Variants in PCDH7 observed in about 807,000 individuals in gnomAD.
PCDH7 encodes the protein protocadherin-7.
PCDH7 carries 17 observed loss-of-function variants against 58.9 expected under a neutral mutation model. The observed-to-expected ratio is 0.29, with a 90% CI of 0.20 to 0.43. The LOEUF (loss-of-function observed/expected upper bound fraction) is 0.43. PCDH7 is among the 20% of genes least tolerant of loss of function. PCDH7 has a pLI of 1.00. For missense variants in PCDH7, 1,274 were observed against 1,441.0 expected, an observed-to-expected ratio of 0.88 and a Z score of 1.88; for synonymous variants, 664 against 616.4, an observed-to-expected ratio of 1.08 and a Z score of -1.14.
At chr4:30,755,380 T>A (rs1393487168) in intron 1 of PCDH7, among the ~76,000 whole-genome samples, 3 of 152,184 alleles carry the variant, frequency 2.0e-5, no homozygotes, top group African/African-American at 7.2e-5. Context: ...AACAAACTTC[T>A]TTTTGGATCC....
chr4:30,950,686 A>C lies in PCDH7; in HGVS notation c.*7+471A>C, dbSNP rs574539046. 1.4e-4 allele frequency among the ~76,000 whole-genome samples: 22 copies of C among 152,342 alleles called. No individual in the cohort carries two copies. The South Asian group carries it at 4.6e-3, about 32-fold the overall frequency. ...AATACTCATCTGGTTATAGAAAATT[A>C]GGTATAAGCTAGTTTAATAAATCTA... On this transcript the variant is annotated intron_variant, in intron 3 of 3. Transcript: ENST00000509759.
intron 3 of PCDH7, among the ~76,000 whole-genome samples, chr4:31,039,568 G>A (rs1483397280): frequency 6.6e-6 from 1 of 152,068 alleles, no homozygotes; most frequent in Non-Finnish European, 1.5e-5. Flanking sequence ...CCCAGCCATA[G>A]TTTATAGTCT....
chr4:30,987,915 T>C (rs1315008908), intron 3 of PCDH7: 4 of 152,046 alleles, frequency 2.6e-5, no homozygotes, highest in Admixed American at 2.0e-4. Context: ...AGAAGTATAT[T>C]AGGGGACATT....
intron 1 of PCDH7, among the ~76,000 whole-genome samples, chr4:30,866,488 G>T (rs1560449370): frequency 6.6e-6 from 1 of 151,978 alleles, no homozygotes; most frequent in Non-Finnish European, 1.5e-5. Flanking sequence ...ATTTGACTTA[G>T]ATCTTTTTAA....
intron 1 of PCDH7, among the ~76,000 whole-genome samples, chr4:30,840,270 T>C (rs958787021): frequency 2.0e-5 from 3 of 152,124 alleles, no homozygotes; most frequent in African/African-American, 7.2e-5. Context: ...GTGCCTTGTC[T>C]CCCTGCCTTG....
intron 1 of PCDH7, among the ~76,000 whole-genome samples, chr4:30,822,924 G>A (rs964088528): frequency 5.9e-5 from 9 of 152,052 alleles, no homozygotes; most frequent in Admixed American, 2.0e-4. Context: ...TTCATTTGCA[G>A]CGTTTTGCGT....
intron 2 of PCDH7, among the ~76,000 whole-genome samples, chr4:30,943,825 T>G (rs1410581290): frequency 2.0e-5 from 3 of 152,000 alleles, no homozygotes; most frequent in Non-Finnish European, 4.4e-5. Flanking sequence ...AGCCAAAAGA[T>G]TGGACACCTC....
chr4:30,863,996 A>C (rs1734545108), intron 1 of PCDH7, among the ~76,000 whole-genome samples: 1 of 152,142 alleles, frequency 6.6e-6, no homozygotes, highest in Admixed American at 6.6e-5. Context: ...AGCGCATGAC[A>C]GTAATCAAGA....
chr4:30,806,597 C>T (rs866929230), intron 1 of PCDH7, among the ~76,000 whole-genome samples: 24 of 151,724 alleles, frequency 1.6e-4, no homozygotes, highest in African/African-American at 5.8e-4. Flanking sequence ...AGCCACTGCG[C>T]CTGGCCACCA....
intron 3 of PCDH7, among the ~76,000 whole-genome samples, chr4:31,115,172 ATTAAG>A (rs1452196363): frequency 6.6e-6 from 1 of 152,230 alleles, no homozygotes; most frequent in East Asian, 1.9e-4. Context: ...GCACATACAA[ATTAAG>A]TTGTCATGTT....
downstream of PCDH7, chr4:31,143,992 A>T (rs1267776694): frequency 6.6e-6 from 1 of 152,218 alleles, no homozygotes; most frequent in Non-Finnish European, 1.5e-5. Context: ...TTTATGGATC[A>T]TGGGTAGGTT....
At chr4:30,772,878 A>G (rs903386345) in intron 1 of PCDH7, among the ~76,000 whole-genome samples, 3 of 152,078 alleles carry the variant, frequency 2.0e-5, no homozygotes. Flanking sequence ...AATAAATGCT[A>G]TACTTTCTAT....
intron 3 of PCDH7, among the ~76,000 whole-genome samples, chr4:31,095,018 G>A (rs201067096): frequency 7.2e-6 from 1 of 138,030 alleles, no homozygotes; most frequent in Non-Finnish European, 1.5e-5. Flanking sequence ...AAATCAAACA[G>A]AGTAGTCAGG....
At chr4:30,958,467 T>C (rs980290731) in intron 3 of PCDH7, among the ~76,000 whole-genome samples, 2 of 151,930 alleles carry the variant, frequency 1.3e-5, no homozygotes, top group Non-Finnish European at 2.9e-5. Flanking sequence ...TAAATGATAA[T>C]TAATAACTTA....
intron 3 of PCDH7, among the ~76,000 whole-genome samples, chr4:31,115,567 C>T (rs925262620): frequency 6.6e-6 from 1 of 151,962 alleles, no homozygotes; most frequent in African/African-American, 2.4e-5. Flanking sequence ...CTGTATTCAC[C>T]AGTATGGAAA....
chr4:30,767,574 G>T (rs760893690), intron 1 of PCDH7, among the ~76,000 whole-genome samples: 1 of 152,158 alleles, frequency 6.6e-6, no homozygotes, highest in East Asian at 1.9e-4. Context: ...AACAAGAACT[G>T]TGACGGTTTG....
chr4:30,730,520 T>C (rs34659374), intron 1 of PCDH7, among the ~76,000 whole-genome samples: 17,562 of 152,158 alleles, frequency 0.12, 1,410 homozygotes, highest in East Asian at 0.27. Flanking sequence ...TATTGAACTC[T>C]AATGCTGTGT....
At chr4:30,982,450 C>G (rs1414793388) in intron 3 of PCDH7, among the ~76,000 whole-genome samples, 1 of 152,138 alleles carries the variant, frequency 6.6e-6, no homozygotes, top group Non-Finnish European at 1.5e-5. Flanking sequence ...TTTTTATTCT[C>G]TCAAGAAAAC....
Position 30,765,125 on chromosome 4 carries a change from C to CTTTTTTT in PCDH7, c.70+40549_70+40555dup, listed in dbSNP as rs10692198. Among the ~76,000 whole-genome samples, 66 of 49,214 alleles carry CTTTTTTT rather than the reference C, an allele frequency of 1.3e-3. 7 individuals are homozygous for CTTTTTTT. Among genetic ancestry groups the CTTTTTTT allele is most frequent in the African/African-American group, 4.8e-3 (64 of 13,270 alleles). The allele number at this position is 49,214 out of a possible 152,430, so 32.3% of individuals were successfully genotyped here. A position where few individuals can be genotyped will look rare whatever the true frequency, so the allele number is the denominator to read the frequency against. On this transcript the variant is annotated intron_variant, in intron 1 of 3. Transcript: ENST00000509759. ...GGAAAGAGAGATAGGACTTCAGATG[C>CTTTTTTT]TTTTTTTTTTTTTTTTTTTTTTTTT... is the stretch of plus-strand genomic sequence containing the variant.
Sources: allele counts gnomAD v4.1 joint callset (sites outside exome capture counted in the v4.1 genomes callset), GRCh38; gene constraint gnomAD v4.1.1; transcripts MANE v1.5; gene names NCBI Gene and HGNC (gene_info 2026-07-23, HGNC 2026-07-21).